FREM2: variants seen among roughly 807,000 people sequenced by gnomAD.
FREM2 encodes FRAS1 related extracellular matrix 2, also known as FRAS1-related extracellular matrix protein 2.
A neutral mutation model predicts 219.9 loss-of-function variants in FREM2; 119 were observed. The observed-to-expected ratio is 0.54, with a 90% confidence interval of 0.47 to 0.63. FREM2 has a LOEUF of 0.63. FREM2 is among the 30% of genes least tolerant of loss of function. The probability of loss-of-function intolerance (pLI) is 0.00; values close to 1 mark genes in which losing one functional copy is unlikely to be tolerated. For missense variants in FREM2, 4,030 were observed against 3,993.6 expected (o/e 1.01, Z -0.25); for synonymous variants, 1,562 against 1,522.8 (o/e 1.03, Z -0.60).
chr13:38,848,517 A>G lies in FREM2; in HGVS notation c.6226A>G (p.Met2076Val), dbSNP rs1224263586. 2 of 1,613,994 alleles carry G rather than the reference A, an allele frequency of 1.2e-6. No individual in the cohort carries two copies. Among genetic ancestry groups the G allele is most frequent in the Non-Finnish European group, 1.7e-6 (2 of 1,179,980 alleles). Reference protein sequence around the residue: ...RNLDFAPGVNMQPVRVVILDD... With the variant: ...RNLDFAPGVNVQPVRVVILDD... Reference sequence around the variant, plus strand: ...TTTAGATTTTGCACCTGGAGTCAACATGCAGCCTGTTCGTGTTGTCATTCT... The same window carrying G: ...TTTAGATTTTGCACCTGGAGTCAACGTGCAGCCTGTTCGTGTTGTCATTCT... The change falls in exon 8 of 24, where the codon ATG (methionine) becomes GTG (valine). Residue 2076 changes from methionine (M) to valine (V), a missense_variant. Around this residue, in one of 2 missense-constraint regions of FREM2, gnomAD observed 3,102 missense variants for 2,950.7 expected, o/e 1.05. Transcript: ENST00000280481.
chr13:38,738,936 A>G (rs1872118095), intron 2 of FREM2, among the ~76,000 whole-genome samples: 1 of 152,212 alleles, frequency 6.6e-6, no homozygotes, highest in African/African-American at 2.4e-5. Context: ...TTCTAGAAAT[A>G]CTAGCTGTAT....
At chr13:38,753,691 G>C (rs1023193455) in intron 2 of FREM2, among the ~76,000 whole-genome samples, 11 of 152,194 alleles carry the variant, frequency 7.2e-5, no homozygotes, top group African/African-American at 2.7e-4. Flanking sequence ...TTGTAAATGA[G>C]AGTTCATGTT....
chr13:38,881,192 A>G lies in FREM2; in HGVS notation c.*405A>G, dbSNP rs549878996. On this transcript the variant is annotated 3_prime_UTR_variant, in exon 24 of 24. Transcript: ENST00000280481. The stretch of plus-strand genomic sequence containing the variant: ...GGTGCAATTATCACATTGTTTATTA[A>G]TTGTATAACAGATTATTACTAGAAA... 1.1e-5 allele frequency: 3 copies of G among 273,880 alleles called. No individual in the cohort carries two copies. In the South Asian group the frequency reaches 1.2e-4, roughly 11 times the overall value. The allele number at this position is 273,880 out of a possible 1,614,324, so 17.0% of individuals were successfully genotyped here.
At position 38,687,798 on chromosome 13, in the gene FREM2, C is replaced by A; in HGVS notation, c.454C>A (p.Arg152=). 1.3e-6 allele frequency: 2 copies of A among 1,538,928 alleles called. No homozygotes were observed. The highest frequency in any genetic ancestry group is 1.8e-6 in the Non-Finnish European group (2 of 1,138,662). Residue 152 remains arginine (R), a synonymous_variant, in exon 1 of 24, where the codon CGG becomes AGG. Transcript: ENST00000280481. ...GARSPSRDRV[R]LQLRYDAPGG... ...GCGCAGCCCGTCTCGGGACCGCGTC[C>A]GGCTGCAGCTGCGCTATGACGCGCC...
At position 38,788,079 on chromosome 13, in the gene FREM2, C is replaced by T. The variant is rs372199469; in HGVS notation, c.6019+3271C>T. Among the ~76,000 whole-genome samples the T allele has an allele frequency of 1.3e-4, 20 of 152,216 alleles. No homozygotes were observed. The East Asian group carries it at 1.9e-3, about 15-fold the overall frequency. ...TAGGGCCTCTACTGTGGGTAAACCACGTCTTTCATATCCTGGCACTCATTT... is the reference window on the plus strand; with the variant it reads ...TAGGGCCTCTACTGTGGGTAAACCATGTCTTTCATATCCTGGCACTCATTT... On this transcript the variant is annotated intron_variant, in intron 6 of 23. Transcript: ENST00000280481.
chr13:38,735,181 G>A (rs1462661283), intron 2 of FREM2, among the ~76,000 whole-genome samples: 7 of 152,124 alleles, frequency 4.6e-5, no homozygotes, highest in African/African-American at 7.2e-5. Flanking sequence ...TCAGCCTCAC[G>A]ACACTGTCCC....
intron 2 of FREM2, among the ~76,000 whole-genome samples, chr13:38,753,215 T>G (rs1872849556): frequency 6.6e-6 from 1 of 152,160 alleles, no homozygotes; most frequent in Admixed American, 6.5e-5. Flanking sequence ...ATTTAAAAAA[T>G]TATATCTGGG....
intron 2 of FREM2, among the ~76,000 whole-genome samples, chr13:38,751,822 A>T (rs1226999298): frequency 6.6e-6 from 1 of 150,994 alleles, no homozygotes; most frequent in Non-Finnish European, 1.5e-5. Context: ...TCTAACAAGG[A>T]CTGGAGCTCT....
intron 7 of FREM2, 116 bp downstream of exon 7, chr13:38,846,838 T>G: frequency 1.7e-6 from 2 of 1,158,814 alleles, no homozygotes; most frequent in South Asian, 1.3e-5. Flanking sequence ...CTGGGTATAT[T>G]GTTTTTGCTG....
chr13:38,772,854 G>A (rs1052800092), intron 4 of FREM2, among the ~76,000 whole-genome samples: 1 of 151,754 alleles, frequency 6.6e-6, no homozygotes, highest in Non-Finnish European at 1.5e-5. Context: ...TTGCCACCAC[G>A]CCCGGCTAAT....
chr13:38,754,901 G>T (rs3916656), intron 2 of FREM2, among the ~76,000 whole-genome samples: 90,790 of 128,846 alleles, frequency 0.7, 32,919 homozygotes, highest in South Asian at 0.78. Context: ...TGATGATGAT[G>T]ATTATTATTA....
At chr13:38,818,410 G>A (rs1957870530) in intron 6 of FREM2, among the ~76,000 whole-genome samples, 1 of 152,094 alleles carries the variant, frequency 6.6e-6, no homozygotes, top group African/African-American at 2.4e-5. Flanking sequence ...AGGACACCAT[G>A]TTAAGTGAAA....
chr13:38,866,020 A>T (rs892036993), intron 16 of FREM2, among the ~76,000 whole-genome samples: 2 of 152,222 alleles, frequency 1.3e-5, no homozygotes, highest in African/African-American at 4.8e-5. Context: ...TTTATAGATC[A>T]GGTATCTCTA....
At chr13:38,694,308 T>A (rs996892146) in intron 1 of FREM2, among the ~76,000 whole-genome samples, 3 of 152,238 alleles carry the variant, frequency 2.0e-5, no homozygotes, top group Admixed American at 6.5e-5. Context: ...TAAGAATTTT[T>A]AAGGAAAATT....
chr13:38,700,396 A>T (rs1355516539), intron 2 of FREM2, among the ~76,000 whole-genome samples: 2 of 152,098 alleles, frequency 1.3e-5, no homozygotes, highest in East Asian at 3.8e-4. Flanking sequence ...AGAGAGCACT[A>T]TCTGAGCAAC....
At chr13:38,828,311 AG>A (rs1210100016) in intron 6 of FREM2, among the ~76,000 whole-genome samples, 2 of 152,162 alleles carry the variant, frequency 1.3e-5, no homozygotes, top group African/African-American at 4.8e-5. Flanking sequence ...ATATATATAA[AG>A]TGCTTAGAAC....
intron 2 of FREM2, among the ~76,000 whole-genome samples, chr13:38,748,728 G>A (rs552858893): frequency 6.6e-6 from 1 of 152,200 alleles, no homozygotes; most frequent in East Asian, 1.9e-4. Flanking sequence ...TTAACATAGA[G>A]TGATTTTTTT....
chr13:38,820,139 C>A (rs9594295), intron 6 of FREM2, among the ~76,000 whole-genome samples: 6,848 of 152,160 alleles, frequency 0.045, 528 homozygotes, highest in African/African-American at 0.16. Context: ...CTTATTAGTG[C>A]AGTCTCAATC....
chr13:38,847,650 G>A (rs1360870839), intron 7 of FREM2, among the ~76,000 whole-genome samples: 3 of 152,020 alleles, frequency 2.0e-5, no homozygotes, highest in Admixed American at 2.0e-4. Context: ...CCTACAAAAT[G>A]AATCAAAGAC....
Sources: allele counts gnomAD v4.1 joint callset (sites outside exome capture counted in the v4.1 genomes callset), GRCh38; gene constraint gnomAD v4.1.1; regional missense constraint gnomAD v4.1.1; transcripts MANE v1.5; gene names NCBI Gene and HGNC (gene_info 2026-07-23, HGNC 2026-07-21).